LRRC4C: variants seen among roughly 807,000 people sequenced by gnomAD.
LRRC4C encodes leucine-rich repeat-containing protein 4C.
LRRC4C carries 5 observed loss-of-function variants against 33.6 expected under a neutral mutation model. The ratio of observed to expected loss-of-function variants is 0.15; its 90% CI spans 0.08 to 0.31. The LOEUF is 0.31. Among genes scored for constraint, LRRC4C ranks in the 10% least tolerant of loss-of-function variants. The pLI is 1.00. For synonymous variants in LRRC4C, 329 were observed against 302.0 expected (o/e 1.09, Z -0.93); for missense variants, 560 against 796.7 (o/e 0.70, Z 3.58).
At chr11:40,709,327 T>C (rs1029544649) in intron 2 of LRRC4C, among the ~76,000 whole-genome samples, 3 of 152,202 alleles carry the variant, frequency 2.0e-5, no homozygotes, top group Non-Finnish European at 4.4e-5. Flanking sequence ...TGGCATGTTT[T>C]TGCAGTGGCT....
intron 1 of LRRC4C, among the ~76,000 whole-genome samples, chr11:41,449,768 GAAAAA>G (rs35510106): frequency 9.2e-6 from 1 of 108,542 alleles, no homozygotes; most frequent in Admixed American, 9.9e-5. Context: ...CCTCTTGATG[GAAAAA>G]AAAAAAAAAA....
At chr11:40,520,525 T>C (rs1955765417) in intron 3 of LRRC4C, among the ~76,000 whole-genome samples, 1 of 152,152 alleles carries the variant, frequency 6.6e-6, no homozygotes, top group Admixed American at 6.6e-5. Flanking sequence ...AACAACTGTT[T>C]GGTGGGGCAA....
At chr11:41,365,058 G>A (rs1952486483) in intron 1 of LRRC4C, among the ~76,000 whole-genome samples, 1 of 152,088 alleles carries the variant, frequency 6.6e-6, no homozygotes, top group Non-Finnish European at 1.5e-5. Context: ...ACCAGTTTGT[G>A]GCCTGTTAGG....
chr11:40,286,372 T>C (rs1306020540), intron 4 of LRRC4C, among the ~76,000 whole-genome samples: 1 of 152,036 alleles, frequency 6.6e-6, no homozygotes, highest in Non-Finnish European at 1.5e-5. Context: ...CCGGGAAGTG[T>C]TGAAAGCTTT....
intron 1 of LRRC4C, among the ~76,000 whole-genome samples, chr11:41,155,490 G>A (rs916175089): frequency 3.3e-5 from 5 of 152,124 alleles, no homozygotes; most frequent in African/African-American, 4.8e-5. Flanking sequence ...TCAATGATAC[G>A]AAACGTTTAA....
intron 2 of LRRC4C, among the ~76,000 whole-genome samples, chr11:40,840,226 GA>G: frequency 6.6e-6 from 1 of 152,192 alleles, no homozygotes; most frequent in East Asian, 1.9e-4. Flanking sequence ...TCCTATCAAA[GA>G]AAAACAGATA....
chr11:40,854,465 A>G (rs147216235), intron 2 of LRRC4C, among the ~76,000 whole-genome samples: 33 of 152,314 alleles, frequency 2.2e-4, no homozygotes, highest in Non-Finnish European at 3.7e-4. Flanking sequence ...TAGGGTCTTC[A>G]GTCAGACTCG....
At chr11:40,314,695 C>T (rs2136787745) in intron 4 of LRRC4C, among the ~76,000 whole-genome samples, 1 of 152,112 alleles carries the variant, frequency 6.6e-6, no homozygotes, top group South Asian at 2.1e-4. Flanking sequence ...GGTATATATA[C>T]TCAATAAAAT....
intron 1 of LRRC4C, among the ~76,000 whole-genome samples, chr11:41,278,310 T>A (rs189511233): frequency 2.4e-4 from 37 of 152,282 alleles, no homozygotes; most frequent in African/African-American, 7.9e-4. Flanking sequence ...TTGGAAACTT[T>A]GACTTTAAGT....
At chr11:40,421,585 A>G (rs1950526513) in intron 3 of LRRC4C, among the ~76,000 whole-genome samples, 1 of 152,212 alleles carries the variant, frequency 6.6e-6, no homozygotes, top group African/African-American at 2.4e-5. Flanking sequence ...TACAACTAGT[A>G]GTAATTTCTT....
chr11:40,981,778 A>T (rs549893213), intron 1 of LRRC4C, among the ~76,000 whole-genome samples: 1 of 152,270 alleles, frequency 6.6e-6, no homozygotes, highest in Admixed American at 6.5e-5. Flanking sequence ...ACAAAAGTCA[A>T]TTTTTTAAAA....
chr11:40,197,922 A>G (rs889337365), intron 5 of LRRC4C, among the ~76,000 whole-genome samples: 1 of 152,224 alleles, frequency 6.6e-6, no homozygotes, highest in Middle Eastern at 3.2e-3. Flanking sequence ...ATACTATATT[A>G]TTATTTCAGA....
chr11:40,860,327 G>A (rs1016621867), intron 2 of LRRC4C, among the ~76,000 whole-genome samples: 1 of 152,002 alleles, frequency 6.6e-6, no homozygotes, highest in Non-Finnish European at 1.5e-5. Context: ...ACCACCAGCC[G>A]AGTAAGTTAC....
rs145005771 is a variant in LRRC4C at position 40,572,697 on chromosome 11, C to A, written c.-270+75445G>T. Among the ~76,000 whole-genome samples, 404 of 152,252 alleles carry A rather than the reference C, an allele frequency of 2.7e-3. 2 individuals carry two copies. The highest frequency in any genetic ancestry group is 3.9e-3 in the Non-Finnish European group (262 of 68,010). The stretch of plus-strand genomic sequence containing the variant: ...AAATGTCAACACTCAGCCTCTTCCA[C>A]AGAGAGTTAGGACTGGTCCTAGAAC... On this transcript the variant is annotated intron_variant, in intron 3 of 6. Transcript: ENST00000528697.
chr11:40,485,370 T>C (rs1213661928), intron 3 of LRRC4C, among the ~76,000 whole-genome samples: 1 of 151,902 alleles, frequency 6.6e-6, no homozygotes, highest in Non-Finnish European at 1.5e-5. Flanking sequence ...GCGCTCTCTC[T>C]CTCTCCCTCC....
At chr11:40,283,230 G>A (rs1225428190) in intron 4 of LRRC4C, among the ~76,000 whole-genome samples, 1 of 152,082 alleles carries the variant, frequency 6.6e-6, no homozygotes, top group East Asian at 1.9e-4. Flanking sequence ...TTAAAAATGA[G>A]ATCCTCAAGA....
chr11:40,836,622 C>T (rs1056900316), intron 2 of LRRC4C, among the ~76,000 whole-genome samples: 5 of 151,934 alleles, frequency 3.3e-5, no homozygotes, highest in African/African-American at 1.2e-4. Context: ...GTCCTGTGTC[C>T]CATAGGGTTT....
intron 1 of LRRC4C, among the ~76,000 whole-genome samples, chr11:41,210,243 C>T (rs149878911): frequency 6.6e-6 from 1 of 152,328 alleles, no homozygotes; most frequent in African/African-American, 2.4e-5. Flanking sequence ...ACCCAAATCT[C>T]ATCTTGAATT....
chr11:40,847,414 T>C (rs574372355), intron 2 of LRRC4C, among the ~76,000 whole-genome samples: 1 of 152,352 alleles, frequency 6.6e-6, no homozygotes, highest in East Asian at 1.9e-4. Context: ...TCATGTGGTT[T>C]TTGTCATTGT....
Sources: allele counts gnomAD v4.1 joint callset (sites outside exome capture counted in the v4.1 genomes callset), GRCh38; gene constraint gnomAD v4.1.1; transcripts MANE v1.5; gene names NCBI Gene and HGNC (gene_info 2026-07-23, HGNC 2026-07-21).